The following ZNF585A variants were observed in gnomAD, a reference collection of about 807,000 sequenced individuals.
ZNF585A encodes the protein zinc finger protein 585A.
A neutral mutation model predicts 14.9 loss-of-function variants in ZNF585A; 9 were observed. The observed-to-expected ratio is 0.60, with a 90% CI of 0.36 to 1.05. The LOEUF (loss-of-function observed/expected upper bound fraction) is 1.05. Ranked by LOEUF, ZNF585A falls within the 50% of genes least tolerant of loss-of-function variation. The pLI is 0.01. For missense variants in ZNF585A, 726 were observed against 926.4 expected, an observed-to-expected ratio of 0.78 and a Z score of 2.81; for synonymous variants, 276 against 319.9, an observed-to-expected ratio of 0.86 and a Z score of 1.46.
At chr19:37,154,388 A>G (rs1971888923) in intron 4 of ZNF585A, among the ~76,000 whole-genome samples, 1 of 152,236 alleles carries the variant, frequency 6.6e-6, no homozygotes, top group Non-Finnish European at 1.5e-5. Flanking sequence ...GACAGGCAGA[A>G]AAATGGGTGT....
At chr19:37,169,243 G>T (rs139405173) in intron 2 of ZNF585A, among the ~76,000 whole-genome samples, 80 of 151,892 alleles carry the variant, frequency 5.3e-4, no homozygotes, top group South Asian at 3.5e-3. Flanking sequence ...TAATCAAAAA[G>T]AATATTTAGA....
chr19:37,153,234 C>T lies in ZNF585A; in HGVS notation c.665G>A (p.Gly222Asp). 3 of 1,614,158 alleles carry T rather than the reference C, an allele frequency of 1.9e-6. No individual in the cohort carries two copies. The highest frequency in any genetic ancestry group is 2.5e-6 in the Non-Finnish European group (3 of 1,180,024). Residue 222 changes from glycine (G) to aspartate (D), a missense_variant, in exon 5 of 5, where the codon GGC becomes GAC. Gly to Asp is a moderately conservative substitution (Grantham distance 94). Transcript: ENST00000292841. ...ACTGAGATCTGAGTTATAAGAGAAGCCTTTCCCACACTGGCTGCATTCATA... is the reference window on the plus strand; with the variant it reads ...ACTGAGATCTGAGTTATAAGAGAAGTCTTTCCCACACTGGCTGCATTCATA... ...KLYECSQCGK[G>D]FSYNSDLSIH... is the part of the protein sequence containing the mutation.
At chr19:37,162,438 C>T (rs112159743) in intron 2 of ZNF585A, among the ~76,000 whole-genome samples, 1,536 of 152,190 alleles carry the variant, frequency 0.01, 26 homozygotes, top group African/African-American at 0.035. Context: ...GACCTAAAGA[C>T]AGAAATACCA....
At chr19:37,168,778 T>C (rs1052923992) in intron 2 of ZNF585A, among the ~76,000 whole-genome samples, 6 of 152,202 alleles carry the variant, frequency 3.9e-5, no homozygotes, top group African/African-American at 1.4e-4. Context: ...TACTGCTACA[T>C]AGTTCATAAT....
Position 37,149,448 on chromosome 19 carries a change from G to A in ZNF585A, c.*2141C>T, listed in dbSNP as rs1971788887. 2.0e-5 allele frequency: 3 copies of A among 152,116 alleles called. No homozygotes were observed. In the South Asian group the frequency reaches 6.2e-4, roughly 32 times the overall value. The allele number at this position is 152,116 out of a possible 1,614,324, so 9.4% of individuals were successfully genotyped here. On this transcript the variant is annotated 3_prime_UTR_variant, in exon 5 of 5. Transcript: ENST00000292841. ...TACAATAAATTGTTTCCCTTCATGA[G>A]GCTTGGGCATACAGAGGATAGTCAG...
At chr19:37,171,818 C>T (rs898404203) in intron 1 of ZNF585A, among the ~76,000 whole-genome samples, 21 of 151,744 alleles carry the variant, frequency 1.4e-4, no homozygotes, top group African/African-American at 5.1e-4. Context: ...CAGGAGAATC[C>T]GTTGAACCCA....
chr19:37,167,977 G>T (rs1252831421), intron 2 of ZNF585A, among the ~76,000 whole-genome samples: 1 of 152,170 alleles, frequency 6.6e-6, no homozygotes, highest in Admixed American at 6.5e-5. Context: ...GAATCAGTAT[G>T]ATGGCAAAGG....
chr19:37,153,294 A>G lies in ZNF585A; in HGVS notation c.605T>C (p.Phe202Ser). The change falls in exon 5 of 5, where the codon TTC (phenylalanine) becomes TCC (serine). Residue 202 changes from phenylalanine (F) to serine (S), a missense_variant. Phe to Ser is a radical substitution (Grantham distance 155). This residue lies in a region of ZNF585A where 483 missense variants were observed against 542.8 expected (regional missense o/e 0.89). Transcript: ENST00000292841. ...GKSFFQVSSLFRHQRIHTGEK... is the reference protein window; with the variant it reads ...GKSFFQVSSLSRHQRIHTGEK... The stretch of plus-strand genomic sequence containing the variant: ...TCCGGTATGAATTCTCTGATGCCTG[A>G]AGAGGGACGACACTTGAAAAAAGGA... The G allele has an allele frequency of 2.5e-6, 4 of 1,614,190 alleles. No homozygotes were observed. The highest frequency in any genetic ancestry group is 3.4e-6 in the Non-Finnish European group (4 of 1,180,028).
In ZNF585A at chr19:37,168,735, T is replaced by C. The variant is rs556252761; in HGVS notation, c.72+1104A>G. Among the ~76,000 whole-genome samples, 10 of 152,282 alleles carry C rather than the reference T, an allele frequency of 6.6e-5. No individual in the cohort carries two copies. The South Asian group carries it at 1.0e-3, about 16-fold the overall frequency. On this transcript the variant is annotated intron_variant, in intron 2 of 4. Transcript: ENST00000292841. ...ATGAAATTCTACTACAACTTACACATGCAACAGAAAGGAAAGACATGAGAA... is the reference window on the plus strand; with the variant it reads ...ATGAAATTCTACTACAACTTACACACGCAACAGAAAGGAAAGACATGAGAA...
At position 37,149,480 on chromosome 19, in the gene ZNF585A, A is replaced by G. The variant is rs1300796066; in HGVS notation, c.*2109T>C. 1 of 152,222 alleles carries G rather than the reference A, an allele frequency of 6.6e-6. No individual in the cohort carries two copies. The highest frequency in any genetic ancestry group is 1.5e-5 in the Non-Finnish European group (1 of 68,044). 9.4% of individuals were successfully genotyped at this position (152,222 alleles called of 1,614,324 possible). A position where few individuals can be genotyped will look rare whatever the true frequency, so the allele number is the denominator to read the frequency against. ...GCATACAGAGGATAGTCAGATGCTT[A>G]TGTTGACTGATGACTAATATTAACA... On this transcript the variant is annotated 3_prime_UTR_variant, in exon 5 of 5. Coordinates refer to ENST00000292841, the MANE Select transcript of ZNF585A (RefSeq NM_001288800.2).
chr19:37,151,387 G>C lies in ZNF585A; in HGVS notation c.*202C>G, dbSNP rs1284139043. On this transcript the variant is annotated 3_prime_UTR_variant, in exon 5 of 5. Transcript: ENST00000292841. Reference sequence around the variant, plus strand: ...CTTGTCAGTATGAATAATGACCCAAGGTTTACTGGGGATGGTGACAATGTA... The same window carrying C: ...CTTGTCAGTATGAATAATGACCCAACGTTTACTGGGGATGGTGACAATGTA... 7 of 511,544 alleles carry C rather than the reference G, an allele frequency of 1.4e-5. No homozygotes were observed. The highest frequency in any genetic ancestry group is 2.4e-5 in the Non-Finnish European group (7 of 290,058). 31.7% of individuals were successfully genotyped at this position (511,544 alleles called of 1,614,324 possible).
chr19:37,164,181 G>A (rs1972052627), intron 2 of ZNF585A, among the ~76,000 whole-genome samples: 1 of 152,178 alleles, frequency 6.6e-6, no homozygotes, highest in Admixed American at 6.5e-5. Context: ...CACTTTGGGA[G>A]GCCGAAGCGG....
chr19:37,166,686 G>A (rs1055874916), intron 2 of ZNF585A, among the ~76,000 whole-genome samples: 2 of 144,268 alleles, frequency 1.4e-5, no homozygotes, highest in South Asian at 4.2e-4. Context: ...CACATTTTTT[G>A]ATTGTCAACA....
intron 2 of ZNF585A, chr19:37,165,685 T>A: frequency 1.0e-6 from 1 of 983,318 alleles, no homozygotes; most frequent in South Asian, 4.7e-5. Flanking sequence ...CTTTCAGGCA[T>A]CAAGGTTAAC....
At chr19:37,167,589 T>TTTTATTTATTTTATTTTATTTTATTTTA (rs1972113757) in intron 2 of ZNF585A, among the ~76,000 whole-genome samples, 1 of 144,086 alleles carries the variant, frequency 6.9e-6, no homozygotes, top group African/African-American at 2.7e-5. Context: ...TTACTTTTTA[T>TTTTATTTATTTTATTTTATTTTATTTTA]TTTTATTTTA....
intron 2 of ZNF585A, among the ~76,000 whole-genome samples, chr19:37,168,508 T>C (rs769116730): frequency 1.3e-5 from 2 of 152,190 alleles, no homozygotes; most frequent in Admixed American, 6.5e-5. Flanking sequence ...CTTCAAACCA[T>C]AAAAATCTCC....
intron 2 of ZNF585A, among the ~76,000 whole-genome samples, chr19:37,157,895 T>C (rs1462609849): frequency 6.6e-6 from 1 of 151,910 alleles, no homozygotes; most frequent in African/African-American, 2.4e-5. Flanking sequence ...GTTCTTTTTT[T>C]TTTTTTTTTT....
At position 37,151,026 on chromosome 19, in the gene ZNF585A, C is replaced by CTTT; in HGVS notation, c.*560_*562dup. 1 of 196,924 alleles carries CTTT rather than the reference C, an allele frequency of 5.1e-6. No homozygotes were observed. 12.2% of individuals were successfully genotyped at this position (196,924 alleles called of 1,614,324 possible). Reference sequence around the variant, plus strand: ...ACGTCTGTATACATAAAGGTTTTTTCTTTTTTTTTTTGTAGCATCTCTTTC... The same window carrying CTTT: ...ACGTCTGTATACATAAAGGTTTTTTCTTTTTTTTTTTTTTGTAGCATCTCTTTC... On this transcript the variant is annotated 3_prime_UTR_variant, in exon 5 of 5. Transcript: ENST00000292841.
In ZNF585A at chr19:37,146,160, A is replaced by G. The variant is rs939164439; in HGVS notation, c.*5429T>C. 1 of 152,138 alleles carries G rather than the reference A, an allele frequency of 6.6e-6. No individual in the cohort carries two copies. The highest frequency in any genetic ancestry group is 6.6e-5 in the Admixed American group (1 of 15,256). 9.4% of individuals were successfully genotyped at this position (152,138 alleles called of 1,614,324 possible). On this transcript the variant is annotated 3_prime_UTR_variant, in exon 5 of 5. Transcript: ENST00000292841. ...TGCTTTGGGTGGCCGAGGTGGGCAA[A>G]TCGTGAGGTCAGGAGATTGAGACCA...
Sources: allele counts gnomAD v4.1 joint callset (sites outside exome capture counted in the v4.1 genomes callset), GRCh38; gene constraint gnomAD v4.1.1; regional missense constraint gnomAD v4.1.1; transcripts MANE v1.5; gene names NCBI Gene and HGNC (gene_info 2026-07-23, HGNC 2026-07-21).